VPS53: variants seen among roughly 807,000 people sequenced by gnomAD.
VPS53 encodes the protein vacuolar protein sorting-associated protein 53 homolog.
VPS53 carries 70 observed loss-of-function variants against 107.0 expected under a neutral mutation model. The observed-to-expected ratio is 0.65, with a 90% CI of 0.54 to 0.80. The LOEUF is 0.80. Among genes scored for constraint, VPS53 ranks in the 30% least tolerant of loss-of-function variants. The pLI is 0.00. For missense variants in VPS53, 917 were observed against 1,049.4 expected (o/e 0.87, Z 1.74); for synonymous variants, 409 against 393.3 (o/e 1.04, Z -0.47).
intron 7 of VPS53, among the ~76,000 whole-genome samples, chr17:639,822 C>T (rs1970351289): frequency 6.6e-6 from 1 of 152,238 alleles, no homozygotes; most frequent in African/African-American, 2.4e-5. Context: ...TGGAGGGTGC[C>T]TCCCAGTTAG....
chr17:706,862 A>T (rs1973425838), intron 2 of VPS53, among the ~76,000 whole-genome samples: 1 of 152,098 alleles, frequency 6.6e-6, no homozygotes, highest in Non-Finnish European at 1.5e-5. Context: ...AGGTCTCACC[A>T]TCTCTTTCCA....
At chr17:523,935 G>A (rs1597242902) in intron 19 of VPS53, among the ~76,000 whole-genome samples, 1 of 152,148 alleles carries the variant, frequency 6.6e-6, no homozygotes, top group African/African-American at 2.4e-5. Context: ...GCTTTTCCTC[G>A]GAGGAACCCA....
chr17:658,069 GA>G (rs1379386799), intron 5 of VPS53, among the ~76,000 whole-genome samples: 1 of 35,092 alleles, frequency 2.8e-5, no homozygotes. Context: ...TTCGTGGATA[GA>G]TACATCCCAC....
intron 5 of VPS53, among the ~76,000 whole-genome samples, chr17:658,430 C>T (rs1248202326): frequency 7.0e-6 from 1 of 142,628 alleles, no homozygotes; most frequent in Non-Finnish European, 1.5e-5. Flanking sequence ...GCCGTGAGTT[C>T]GTGGATAGAT....
In VPS53 at chr17:548,844, T is replaced by C. The variant is rs192303183; in HGVS notation, c.1866+3028A>G. 6.4e-4 allele frequency among the ~76,000 whole-genome samples: 97 copies of C among 152,344 alleles called. 1 individual carries two copies. Among genetic ancestry groups the C allele is most frequent in the Non-Finnish European group, 1.2e-3 (85 of 68,036 alleles). ...CTCTTTACTCATGTTTTCACCCTGT[T>C]TGAACTGCCCTACTAATCACAAACT... On this transcript the variant is annotated intron_variant, in intron 17 of 21. Coordinates refer to ENST00000437048, the MANE Select transcript of VPS53 (RefSeq NM_001128159.3).
intron 4 of VPS53, among the ~76,000 whole-genome samples, chr17:666,058 A>G (rs962285666): frequency 5.3e-5 from 8 of 152,188 alleles, no homozygotes; most frequent in South Asian, 2.1e-4. Flanking sequence ...TAAGTTGGAC[A>G]TAAGATTCTG....
chr17:568,698 C>A (rs1172143991), intron 13 of VPS53, among the ~76,000 whole-genome samples: 1 of 152,180 alleles, frequency 6.6e-6, no homozygotes, highest in African/African-American at 2.4e-5. Flanking sequence ...TACATACAGG[C>A]AAACTGAGCA....
At chr17:564,344 T>C (rs1473181086) in intron 13 of VPS53, among the ~76,000 whole-genome samples, 1 of 100,114 alleles carries the variant, frequency 1.0e-5, no homozygotes, top group Non-Finnish European at 1.9e-5. Context: ...ATCAAGACCA[T>C]CCTAACACGT....
chr17:643,873 A>G (rs1235565376), intron 7 of VPS53, among the ~76,000 whole-genome samples: 2 of 152,266 alleles, frequency 1.3e-5, no homozygotes, highest in African/African-American at 2.4e-5. Flanking sequence ...GAGGCCCAGG[A>G]GGAACTTGTC....
chr17:574,490 C>A (rs914053282), intron 13 of VPS53, among the ~76,000 whole-genome samples: 4 of 152,078 alleles, frequency 2.6e-5, no homozygotes, highest in African/African-American at 9.7e-5. Flanking sequence ...CTTGGCTGGG[C>A]GCGGTGGCTC....
intron 15 of VPS53, among the ~76,000 whole-genome samples, chr17:558,238 T>G (rs1048162206): frequency 2.3e-4 from 35 of 151,940 alleles, no homozygotes; most frequent in Admixed American, 4.6e-4. Context: ...AAGGCCAAGG[T>G]GAGTGGATCA....
At chr17:525,405 C>T (rs1320054713) in intron 19 of VPS53, among the ~76,000 whole-genome samples, 1 of 152,090 alleles carries the variant, frequency 6.6e-6, no homozygotes, top group Non-Finnish European at 1.5e-5. Context: ...TGATCTAAAG[C>T]AGGCAGGGTG....
Position 658,615 on chromosome 17 carries a change from G to A in VPS53, c.373-2662C>T, listed in dbSNP as rs138715653. On this transcript the variant is annotated intron_variant, in intron 5 of 21. Coordinates refer to ENST00000437048, the MANE Select transcript of VPS53 (RefSeq NM_001128159.3). ...AAGTGAGAAACTCGGCAGGGAGTTC[G>A]TGGGTAGATACATCCCACTAAAGTG... 4.6e-4 allele frequency among the ~76,000 whole-genome samples: 69 copies of A among 150,620 alleles called. 1 individual carries two copies. The highest frequency in any genetic ancestry group is 1.6e-3 in the African/African-American group (66 of 40,746).
chr17:655,723 A>C, intron 6 of VPS53, 115 bp downstream of exon 6: 3 of 960,588 alleles, frequency 3.1e-6, no homozygotes, highest in South Asian at 1.8e-5. Flanking sequence ...CAATTTGCAG[A>C]AAGTGGGGCA....
intron 19 of VPS53, among the ~76,000 whole-genome samples, chr17:525,140 C>A (rs1423947951): frequency 6.6e-6 from 1 of 152,040 alleles, no homozygotes; most frequent in Admixed American, 6.5e-5. Flanking sequence ...ATGCATAAAT[C>A]TCAGAAAATA....
intron 17 of VPS53, among the ~76,000 whole-genome samples, chr17:545,408 T>C (rs1454519601): frequency 2.0e-5 from 3 of 152,212 alleles, no homozygotes; most frequent in Admixed American, 2.0e-4. Context: ...GCCCTTCTGC[T>C]ATCAGGTGCC....
chr17:628,371 G>C, intron 8 of VPS53, 140 bp from the exon 9 acceptor site: 1 of 1,023,196 alleles, frequency 9.8e-7, no homozygotes, highest in Non-Finnish European at 1.4e-6. Flanking sequence ...TGCTGTGGCT[G>C]GATCTGTCAG....
At chr17:699,533 C>T (rs1424664470) in intron 2 of VPS53, among the ~76,000 whole-genome samples, 153 bp from the exon 3 acceptor site, 2 of 151,780 alleles carry the variant, frequency 1.3e-5, no homozygotes, top group Non-Finnish European at 2.9e-5. Flanking sequence ...AAAAGTAAAG[C>T]AGTAGTTGGA....
intron 4 of VPS53, among the ~76,000 whole-genome samples, chr17:678,932 C>A (rs201259883): frequency 0.2 from 2 of 10 alleles, no homozygotes; most frequent in African/African-American, 0.5. Flanking sequence ...AGCCACCGCG[C>A]CCCCGCCATT....
Sources: gnomAD v4.1 joint callset for allele counts (sites outside exome capture counted in the v4.1 genomes callset) on GRCh38, gnomAD v4.1.1 for gene constraint, MANE v1.5 for transcripts, NCBI Gene and HGNC (gene_info 2026-07-23, HGNC 2026-07-21) for gene names.